FHIT: variants seen among roughly 807,000 people sequenced by gnomAD.
FHIT encodes bis(5'-adenosyl)-triphosphatase.
Under a neutral mutation model 17.9 loss-of-function variants are expected in FHIT, and 19 were observed. The observed-to-expected ratio is 1.06, with a 90% CI of 0.74 to 1.56. The LOEUF is 1.56. FHIT is among the 40% of genes most tolerant of loss of function. The pLI is 0.00. For missense variants in FHIT, 248 were observed against 189.2 expected (o/e 1.31, Z -1.82); for synonymous variants, 81 against 69.7 (o/e 1.16, Z -0.81).
chr3:60,240,575 C>G (rs934973123), intron 5 of FHIT, among the ~76,000 whole-genome samples: 1 of 152,146 alleles, frequency 6.6e-6, no homozygotes, highest in South Asian at 2.1e-4. Flanking sequence ...TTAAAAAGCA[C>G]TTTGCCTTGG....
At chr3:60,700,861 T>C (rs1269437470) in intron 4 of FHIT, among the ~76,000 whole-genome samples, 2 of 152,192 alleles carry the variant, frequency 1.3e-5, no homozygotes, top group African/African-American at 4.8e-5. Flanking sequence ...ACTTAAATTT[T>C]CCCTCTGTGA....
chr3:59,907,545 A>G (rs554962695), intron 8 of FHIT, among the ~76,000 whole-genome samples: 2 of 152,356 alleles, frequency 1.3e-5, no homozygotes, highest in South Asian at 4.1e-4. Context: ...TAATGGACAG[A>G]GTCAAGAGAG....
intron 8 of FHIT, among the ~76,000 whole-genome samples, chr3:59,907,379 C>T (rs1241979849): frequency 1.3e-5 from 2 of 152,190 alleles, no homozygotes; most frequent in Admixed American, 1.3e-4. Context: ...GGAAGTGCAT[C>T]TATTGCTTAG....
intron 3 of FHIT, among the ~76,000 whole-genome samples, chr3:60,870,919 T>A (rs564145915): frequency 5.3e-5 from 8 of 152,306 alleles, no homozygotes; most frequent in African/African-American, 1.9e-4. Context: ...TAGCCTATTC[T>A]CCTGGTGATG....
chr3:59,852,844 A>G (rs904259887), intron 8 of FHIT, among the ~76,000 whole-genome samples: 1 of 152,052 alleles, frequency 6.6e-6, no homozygotes, highest in African/African-American at 2.4e-5. Context: ...ATGTCTCTTC[A>G]TGGATTGATA....
chr3:60,089,796 G>A (rs1046408063), intron 5 of FHIT, among the ~76,000 whole-genome samples: 1 of 152,184 alleles, frequency 6.6e-6, no homozygotes, highest in Middle Eastern at 3.4e-3. Context: ...CAGCTCCTTC[G>A]GAGGAAACAA....
intron 5 of FHIT, among the ~76,000 whole-genome samples, chr3:60,243,404 C>T (rs369415802): frequency 1.3e-4 from 20 of 152,220 alleles, no homozygotes; most frequent in African/African-American, 4.3e-4. Context: ...GAATGTAACA[C>T]TACTGACAAA....
chr3:60,668,340 G>T (rs1239105830), intron 4 of FHIT, among the ~76,000 whole-genome samples: 1 of 128,986 alleles, frequency 7.8e-6, no homozygotes, highest in Non-Finnish European at 1.6e-5. Flanking sequence ...GAACTTGTCT[G>T]ATAGTTCCAG....
chr3:59,790,510 C>T (rs1210729327), intron 8 of FHIT, among the ~76,000 whole-genome samples: 7 of 142,738 alleles, frequency 4.9e-5, no homozygotes, highest in African/African-American at 1.3e-4. Context: ...CTCTCTTTCT[C>T]TCTCTCTCTC....
At chr3:61,024,503 G>A (rs1334977316) in intron 3 of FHIT, among the ~76,000 whole-genome samples, 3 of 151,914 alleles carry the variant, frequency 2.0e-5, no homozygotes, top group East Asian at 3.9e-4. Flanking sequence ...CTTCTGTTTG[G>A]CTTTTCTTTT....
intron 5 of FHIT, among the ~76,000 whole-genome samples, chr3:60,451,468 C>T (rs148642660): frequency 2.0e-3 from 298 of 152,122 alleles, no homozygotes; most frequent in African/African-American, 6.9e-3. Flanking sequence ...TTAACTGTTA[C>T]AAGAATTCCA....
intron 5 of FHIT, among the ~76,000 whole-genome samples, chr3:60,460,060 C>T (rs554537127): frequency 1.4e-4 from 22 of 152,172 alleles, no homozygotes; most frequent in African/African-American, 5.1e-4. Context: ...TCTTATAGTC[C>T]TCCTCTCCAC....
chr3:59,949,745 C>A (rs1345462195), intron 7 of FHIT, among the ~76,000 whole-genome samples: 2 of 152,204 alleles, frequency 1.3e-5, no homozygotes, highest in Non-Finnish European at 2.9e-5. Flanking sequence ...AACTTGTGAT[C>A]TGTGGGCTGT....
intron 9 of FHIT, 108 bp downstream of exon 9, chr3:59,752,113 A>T: frequency 1.4e-6 from 1 of 727,372 alleles, no homozygotes; most frequent in Non-Finnish European, 2.3e-6. Flanking sequence ...TGCAGCCACC[A>T]CCCAAGGATG....
At chr3:60,632,606 C>A (rs1036386127) in intron 4 of FHIT, among the ~76,000 whole-genome samples, 1 of 152,088 alleles carries the variant, frequency 6.6e-6, no homozygotes, top group Non-Finnish European at 1.5e-5. Flanking sequence ...GAAAATGTGG[C>A]CAAAAGAATA....
intron 5 of FHIT, among the ~76,000 whole-genome samples, chr3:60,307,381 GA>G (rs1325573685): frequency 6.6e-6 from 1 of 152,124 alleles, no homozygotes; most frequent in East Asian, 1.9e-4. Flanking sequence ...TCATCTGCCC[GA>G]AGGAAGACAG....
chr3:59,873,664 G>A (rs1235193572), intron 8 of FHIT, among the ~76,000 whole-genome samples: 5 of 152,126 alleles, frequency 3.3e-5, no homozygotes, highest in Non-Finnish European at 7.3e-5. Context: ...GTGGCACACA[G>A]CCCCACTCAA....
chr3:60,862,572 G>A (rs540666598), intron 3 of FHIT, among the ~76,000 whole-genome samples: 13 of 152,172 alleles, frequency 8.5e-5, no homozygotes, highest in South Asian at 2.1e-4. Context: ...TCCCTGGGCC[G>A]GGCATGGTGG....
At chr3:60,972,071 C>T (rs984964861) in intron 3 of FHIT, among the ~76,000 whole-genome samples, 9 of 152,096 alleles carry the variant, frequency 5.9e-5, no homozygotes, top group African/African-American at 1.9e-4. Context: ...TCAATGAGTG[C>T]TTAAATTGTT....
Sources: gnomAD v4.1 joint callset for allele counts (sites outside exome capture counted in the v4.1 genomes callset) on GRCh38, gnomAD v4.1.1 for gene constraint, MANE v1.5 for transcripts, NCBI Gene and HGNC (gene_info 2026-07-23, HGNC 2026-07-21) for gene names.